AMHR2: variants seen among roughly 807,000 people sequenced by gnomAD.
AMHR2 encodes anti-Mullerian hormone receptor type 2, also known as anti-Muellerian hormone type-2 receptor.
Under a neutral mutation model 61.4 loss-of-function variants are expected in AMHR2, and 36 were observed. That is an observed-to-expected ratio of 0.59 (90% CI 0.45 to 0.77). AMHR2 has a LOEUF of 0.77. Among genes scored for constraint, AMHR2 ranks in the 30% least tolerant of loss-of-function variants. The probability of loss-of-function intolerance (pLI) is 0.00; values close to 1 mark genes in which losing one functional copy is unlikely to be tolerated. For synonymous variants in AMHR2, 258 were observed against 279.4 expected, an observed-to-expected ratio of 0.92 and a Z score of 0.76; for missense variants, 638 against 714.6, an observed-to-expected ratio of 0.89 and a Z score of 1.22.
In AMHR2 at chr12:53,425,767, C is replaced by T; in HGVS notation, c.700C>T (p.Pro234Ser). ...GKLVAIKAFP[P>S]RSVAQFQAER... ...ACTGGTTGCCATCAAGGCCTTCCCA[C>T]CGAGGTCTGTGGCTCAGTTCCAAGC... is the stretch of plus-strand genomic sequence containing the variant. The change falls in exon 6 of 11, where the codon CCG becomes TCG. Residue 234 changes from proline to serine, a missense_variant. Transcript: ENST00000257863. 1 of 1,614,216 alleles carries T rather than the reference C, an allele frequency of 6.2e-7. No individual in the cohort carries two copies. Among genetic ancestry groups the T allele is most frequent in the Non-Finnish European group, 8.5e-7 (1 of 1,180,044 alleles).
Position 53,429,887 on chromosome 12 carries a change from G to A in AMHR2, c.1197G>A (p.Gln399=), listed in dbSNP as rs763698037. ...PELLDKTLDL[Q]DWGMALRRAD... ...TCTTGGACAAGACTCTGGACCTACA[G>A]GATTGGGGCATGGCCCTCCGACGAG... The change falls in exon 9 of 11, where the codon CAG becomes CAA. Residue 399 remains glutamine, a synonymous_variant. Coordinates refer to ENST00000257863, the MANE Select transcript of AMHR2 (RefSeq NM_020547.3). The A allele has an allele frequency of 1.9e-6, 3 of 1,614,232 alleles. No individual in the cohort carries two copies. Among genetic ancestry groups the A allele is most frequent in the South Asian group, 2.2e-5 (2 of 91,086 alleles).
rs1940084592 is a variant in AMHR2 at position 53,431,347 on chromosome 12, CT to C, written c.1597del (p.Cys533ValfsTer55). On this transcript the variant is annotated frameshift_variant, in exon 11 of 11. Coordinates refer to ENST00000257863, the MANE Select transcript of AMHR2 (RefSeq NM_020547.3). LOFTEE classifies it low-confidence loss of function (END_TRUNC). ...RGCPPLCPED[C>X]TSIPAPTILP... Reference sequence around the variant, plus strand: ...GCTGCCCACCTCTCTGCCCAGAAGACTGTACTTCAATTCCTGCCCCTACCAT... The same window carrying C: ...GCTGCCCACCTCTCTGCCCAGAAGACGTACTTCAATTCCTGCCCCTACCAT... The C allele has an allele frequency of 1.9e-6, 3 of 1,614,122 alleles. No homozygotes were observed. The highest frequency in any genetic ancestry group is 2.5e-6 in the Non-Finnish European group (3 of 1,180,050).
At chr12:53,424,593 A>G (rs1007087202) in intron 2 of AMHR2, 116 bp from the exon 3 acceptor site, 2 of 1,539,344 alleles carry the variant, frequency 1.3e-6, no homozygotes, top group Admixed American at 1.8e-5. Flanking sequence ...AAAGCCCATG[A>G]GAGCTGGAAG....
At chr12:53,427,113 G>A (rs372768098) in intron 6 of AMHR2, among the ~76,000 whole-genome samples, 235 of 152,078 alleles carry the variant, frequency 1.5e-3, no homozygotes, top group African/African-American at 5.4e-3. Flanking sequence ...AAAACACACA[G>A]TCCCTCTTTT....
At position 53,425,759 on chromosome 12, in the gene AMHR2, C is replaced by A; in HGVS notation, c.692C>A (p.Ala231Asp). The change falls in exon 6 of 11, where the codon GCC (alanine) becomes GAC (aspartate). Residue 231 changes from alanine to aspartate, a missense_variant. Ala to Asp is a moderately radical substitution (Grantham distance 126, BLOSUM62 -2). Coordinates refer to ENST00000257863, the MANE Select transcript of AMHR2 (RefSeq NM_020547.3). ...QLQGKLVAIK[A>D]FPPRSVAQFQ... ...CAAGGAAAACTGGTTGCCATCAAGG[C>A]CTTCCCACCGAGGTCTGTGGCTCAG... 6.2e-7 allele frequency: 1 copy of A among 1,614,130 alleles called. No homozygotes were observed. The highest frequency in any genetic ancestry group is 8.5e-7 in the Non-Finnish European group (1 of 1,180,024).
Position 53,425,208 on chromosome 12 carries a change from C to T in AMHR2, c.468C>T (p.Leu156=), listed in dbSNP as rs1402962670. ...CACTGGTGCTGCTGGGGCTGTTCCT[C>T]CTCCTCCTGCTGCTGCTGGGCAGCA... ...WMALVLLGLF[L]LLLLLLGSII... is the part of the protein sequence containing the mutation. Residue 156 remains leucine (L), a synonymous_variant, in exon 4 of 11, where the codon CTC becomes CTT. Transcript: ENST00000257863. The T allele has an allele frequency of 6.2e-7, 1 of 1,613,788 alleles. No homozygotes were observed. Among genetic ancestry groups the T allele is most frequent in the Non-Finnish European group, 8.5e-7 (1 of 1,180,022 alleles).
chr12:53,424,946 G>A (rs773523995), intron 3 of AMHR2, 46 bp downstream of exon 3: 1 of 1,588,366 alleles, frequency 6.3e-7, no homozygotes, highest in Non-Finnish European at 8.6e-7. Flanking sequence ...TGGGGCCCAG[G>A]TTAGGATGAG....
chr12:53,425,382 T>C, intron 4 of AMHR2, 73 bp from the exon 5 acceptor site: 1 of 1,605,048 alleles, frequency 6.2e-7, no homozygotes, highest in Non-Finnish European at 8.5e-7. Flanking sequence ...CTCACAAAGC[T>C]CCCTTTCCAC....
At chr12:53,425,984 C>A in intron 6 of AMHR2, 65 bp downstream of exon 6, 1 of 1,472,900 alleles carries the variant, frequency 6.8e-7, no homozygotes, top group Non-Finnish European at 9.4e-7. Context: ...GTGGGGGCTA[C>A]ATGGCAGCTG....
At chr12:53,426,031 T>C in intron 6 of AMHR2, 112 bp downstream of exon 6, 2 of 1,145,368 alleles carry the variant, frequency 1.7e-6, no homozygotes, top group Non-Finnish European at 2.5e-6. Flanking sequence ...ATTTTCTCTT[T>C]TCTAAAACAT....
chr12:53,424,667 G>A (rs1939378330), intron 2 of AMHR2, 42 bp from the exon 3 acceptor site: 2 of 1,593,366 alleles, frequency 1.3e-6, no homozygotes, highest in Middle Eastern at 1.7e-4. Context: ...TTTCTTCCTT[G>A]CCCCCCCTTT....
rs757659134 is a variant in AMHR2, at chr12:53,429,589, C to T, written c.1104C>T (p.Thr368=). 1.9e-6 allele frequency: 3 copies of T among 1,614,086 alleles called. No homozygotes were observed. The highest frequency in any genetic ancestry group is 2.5e-6 in the Non-Finnish European group (3 of 1,179,992). ...LPGLTQPPAW[T]PTQPQGPAAI... is the part of the protein sequence containing the mutation. The stretch of plus-strand genomic sequence containing the variant: ...GCCTCACTCAGCCCCCTGCCTGGAC[C>T]CCTACTCAACCACAAGGCCCAGCTG... Residue 368 remains threonine (T), a synonymous_variant, in exon 8 of 11, where the codon ACC becomes ACT. Coordinates refer to ENST00000257863, the MANE Select transcript of AMHR2 (RefSeq NM_020547.3).
rs1340891105 is a variant in AMHR2 at position 53,429,786 on chromosome 12, ATT to A, written c.1141-44_1141-43del. The A allele has an allele frequency of 4.3e-6, 7 of 1,613,672 alleles. No individual in the cohort carries two copies. In the Admixed American group the frequency reaches 1.0e-4, roughly 23 times the overall value. On this transcript the variant is annotated intron_variant, in intron 8 of 10. Coordinates refer to ENST00000257863, the MANE Select transcript of AMHR2 (RefSeq NM_020547.3). The stretch of plus-strand genomic sequence containing the variant: ...TGCATGGACCATTGCTGCAATGAGG[ATT>A]GCCACAGAGATGATTCTTGGCCCTT...
intron 6 of AMHR2, among the ~76,000 whole-genome samples, chr12:53,428,091 GT>G (rs747174435): frequency 1.3e-5 from 2 of 152,114 alleles, no homozygotes; most frequent in African/African-American, 2.4e-5. Context: ...AAAAATCACT[GT>G]TTTTTTGTTT....
In AMHR2 at chr12:53,423,954, T is replaced by A. The variant is rs950115677; in HGVS notation, c.20T>A (p.Leu7His). Reference protein sequence around the residue: MLGSLGLWALLPTAVEA... With the variant: MLGSLGHWALLPTAVEA... ...AGCAAGATGCTAGGGTCTTTGGGGC[T>A]TTGGGCATTACTTCCCACAGCTGTG... The change falls in exon 1 of 11, where the codon CTT (leucine) becomes CAT (histidine). Residue 7 changes from leucine to histidine, a missense_variant. Physicochemically the swap from Leu to His is moderately conservative, Grantham distance 99. Transcript: ENST00000257863. 7 of 1,614,004 alleles carry A rather than the reference T, an allele frequency of 4.3e-6. No homozygotes were observed. The African/African-American group carries it at 5.3e-5, about 12-fold the overall frequency.
chr12:53,425,290 A>G (rs767132331), intron 4 of AMHR2, 48 bp downstream of exon 4: 11 of 1,610,134 alleles, frequency 6.8e-6, no homozygotes, highest in Middle Eastern at 1.7e-4. Context: ...ACATTGCCCC[A>G]AAAGCTCTGA....
At position 53,431,032 on chromosome 12, in the gene AMHR2, A is replaced by G. The variant is rs1940056471; in HGVS notation, c.1426-145A>G. On this transcript the variant is annotated intron_variant, in intron 10 of 10. Transcript: ENST00000257863. The stretch of plus-strand genomic sequence containing the variant: ...AGCAAGACTCAGAGGGCTGGAATTC[A>G]GCAAGAGGGAGAGGAGGGAGGCTCC... 5 of 1,048,112 alleles carry G rather than the reference A, an allele frequency of 4.8e-6. No homozygotes were observed. The Admixed American group carries it at 9.7e-5, about 20-fold the overall frequency. The allele number at this position is 1,048,112 out of a possible 1,614,324, so 64.9% of individuals were successfully genotyped here.
chr12:53,431,153 C>T (rs750681292), intron 10 of AMHR2, 24 bp from the exon 11 acceptor site: 11 of 1,613,338 alleles, frequency 6.8e-6, no homozygotes, highest in African/African-American at 1.3e-5. Flanking sequence ...AGGGTCAACC[C>T]TTCCTCCCTG....
chr12:53,426,274 G>A (rs1939571669), intron 6 of AMHR2, among the ~76,000 whole-genome samples: 1 of 152,126 alleles, frequency 6.6e-6, no homozygotes, highest in Non-Finnish European at 1.5e-5. Flanking sequence ...AGGCTGCAGT[G>A]AGCCGTGAGC....
Sources: gnomAD v4.1 joint callset for allele counts (sites outside exome capture counted in the v4.1 genomes callset) on GRCh38, gnomAD v4.1.1 for gene constraint, MANE v1.5 for transcripts, NCBI Gene and HGNC (gene_info 2026-07-23, HGNC 2026-07-21) for gene names.